The following LIMS1 variants were observed in gnomAD, a reference collection of about 807,000 sequenced individuals.
The protein encoded by LIMS1 is LIM zinc finger domain containing 1, also known as LIM and senescent cell antigen-like-containing domain protein 1.
A neutral mutation model predicts 44.1 loss-of-function variants in LIMS1; 18 were observed. The observed-to-expected ratio is 0.41, with a 90% confidence interval of 0.28 to 0.61. LIMS1 has a LOEUF of 0.61. Among genes scored for constraint, LIMS1 ranks in the 20% least tolerant of loss-of-function variants. The probability of loss-of-function intolerance (pLI) is 0.32; values close to 1 mark genes in which losing one functional copy is unlikely to be tolerated. For synonymous variants in LIMS1, 93 were observed against 149.1 expected (o/e 0.62, Z 2.74); for missense variants, 201 against 422.0 (o/e 0.48, Z 4.59).
chr2:108,551,635 T>TATGTATATATGTGTATATAC, intron 1 of LIMS1, among the ~76,000 whole-genome samples: 1 of 145,432 alleles, frequency 6.9e-6, no homozygotes, highest in African/African-American at 2.5e-5. Flanking sequence ...TGTGTATATA[T>TATGTATATATGTGTATATAC]ATGTATATAT....
rs1301988174 is a variant in LIMS1, at chr2:108,662,370, A to G, written c.192+2606A>G. 3 of 1,596,248 alleles carry G rather than the reference A, an allele frequency of 1.9e-6. No individual in the cohort carries two copies. The East Asian group carries it at 6.7e-5, about 36-fold the overall frequency. On this transcript the variant is annotated intron_variant, in intron 2 of 9. Coordinates refer to ENST00000544547, the Ensembl canonical transcript of LIMS1. ...AGCTCAGAACAGCCTTGAGCAGTGAAGAATAAAGTGTGACTCATCTCGTCC... is the reference window on the plus strand; with the variant it reads ...AGCTCAGAACAGCCTTGAGCAGTGAGGAATAAAGTGTGACTCATCTCGTCC...
At chr2:108,591,984 G>A (rs149462850) in intron 1 of LIMS1, among the ~76,000 whole-genome samples, 2,751 of 151,942 alleles carry the variant, frequency 0.018, 38 homozygotes, top group Non-Finnish European at 0.025. Context: ...TGGTAGAGAC[G>A]AAGTTTCACC....
intron 6 of LIMS1, 152 bp from the exon 7 acceptor site, chr2:108,676,454 G>A (rs1348072328): frequency 9.4e-5 from 94 of 1,000,096 alleles, no homozygotes; most frequent in Non-Finnish European, 2.3e-5. Context: ...TACAACTGCA[G>A]AAGTATTATA....
At chr2:108,539,981 G>T (rs1463989027) in intron 1 of LIMS1, among the ~76,000 whole-genome samples, 1 of 151,226 alleles carries the variant, frequency 6.6e-6, no homozygotes, top group African/African-American at 2.4e-5. Flanking sequence ...TTTTCACCCT[G>T]GTTCTGAAAA....
chr2:108,585,989 C>T (rs551090255), intron 1 of LIMS1, among the ~76,000 whole-genome samples: 5 of 152,108 alleles, frequency 3.3e-5, no homozygotes, highest in South Asian at 2.1e-4. Context: ...GTCAGGAGAT[C>T]GAGACCATCC....
chr2:108,671,916 AC>A (rs1219593420), intron 3 of LIMS1, among the ~76,000 whole-genome samples: 1 of 152,214 alleles, frequency 6.6e-6, no homozygotes, highest in Non-Finnish European at 1.5e-5. Flanking sequence ...GTGGTGGCTC[AC>A]GCCTATAATC....
chr2:108,657,483 G>A (rs1690963269), intron 1 of LIMS1, among the ~76,000 whole-genome samples: 3 of 152,308 alleles, frequency 2.0e-5, no homozygotes, highest in Non-Finnish European at 4.4e-5. Flanking sequence ...CAGATGTGGA[G>A]CTTACCGTGC....
intron 1 of LIMS1, among the ~76,000 whole-genome samples, chr2:108,599,191 C>A (rs1432843238): frequency 2.0e-5 from 3 of 152,178 alleles, no homozygotes; most frequent in Non-Finnish European, 4.4e-5. Context: ...CATCTCACCA[C>A]TACCCTTCAC....
At chr2:108,673,422 C>G (rs1314255841) in intron 5 of LIMS1, 13 of 283,714 alleles carry the variant, frequency 4.6e-5, no homozygotes, top group Admixed American at 1.5e-4. Flanking sequence ...CTCTCTCGCT[C>G]TATTGCCCAG....
chr2:108,681,538 T>TG, intron 9 of LIMS1: 17 of 971,832 alleles, frequency 1.7e-5, no homozygotes, highest in Non-Finnish European at 2.0e-5. Context: ...TCCTGGTTTT[T>TG]GGTTTCCTTG....
At chr2:108,576,140 T>C (rs1222190591) in intron 1 of LIMS1, among the ~76,000 whole-genome samples, 1 of 152,202 alleles carries the variant, frequency 6.6e-6, no homozygotes, top group Non-Finnish European at 1.5e-5. Context: ...TGAAAATAAC[T>C]TTTGAAGTCT....
chr2:108,635,536 A>G (rs1293319441), intron 1 of LIMS1, among the ~76,000 whole-genome samples: 1 of 151,244 alleles, frequency 6.6e-6, no homozygotes, highest in African/African-American at 2.4e-5. Context: ...CCCCGTCTCT[A>G]CTAAAAATAC....
At chr2:108,612,987 T>C (rs1305021879) in intron 1 of LIMS1, among the ~76,000 whole-genome samples, 1 of 152,156 alleles carries the variant, frequency 6.6e-6, no homozygotes, top group Admixed American at 6.5e-5. Context: ...GTTTAATGAC[T>C]GAAACAGGAA....
intron 1 of LIMS1, among the ~76,000 whole-genome samples, chr2:108,596,922 T>G (rs1573402535): frequency 1.4e-5 from 2 of 140,164 alleles, no homozygotes; most frequent in Admixed American, 7.1e-5. Flanking sequence ...TCTGTTTTTT[T>G]TTTTTTTTTT....
intron 1 of LIMS1, among the ~76,000 whole-genome samples, chr2:108,540,604 G>A (rs1246012429): frequency 1.3e-5 from 2 of 152,202 alleles, no homozygotes; most frequent in African/African-American, 4.8e-5. Flanking sequence ...GTGACATGAA[G>A]ATCTAAGAAA....
chr2:108,673,040 T>C lies in LIMS1; in HGVS notation c.530+11T>C, dbSNP rs1445930819. ...CTGCGCCAACTGCGGGTACTGGAATTGTTTCTTTTTTATTACACAAGCAGT... is the reference window on the plus strand; with the variant it reads ...CTGCGCCAACTGCGGGTACTGGAATCGTTTCTTTTTTATTACACAAGCAGT... On this transcript the variant is annotated intron_variant, in intron 5 of 9. Coordinates refer to ENST00000544547, the Ensembl canonical transcript of LIMS1. 2.5e-6 allele frequency: 3 copies of C among 1,185,382 alleles called. No homozygotes were observed. 73.4% of individuals were successfully genotyped at this position (1,185,382 alleles called of 1,614,324 possible).
At chr2:108,681,287 G>C in intron 9 of LIMS1, 1 of 985,126 alleles carries the variant, frequency 1.0e-6, no homozygotes, top group South Asian at 4.7e-5. Context: ...TGTAGAACTG[G>C]TCCTTTTGCA....
chr2:108,669,147 C>A (rs1172617554), intron 2 of LIMS1, among the ~76,000 whole-genome samples: 5 of 152,346 alleles, frequency 3.3e-5, no homozygotes, highest in Admixed American at 1.3e-4. Context: ...TAGCTCACAC[C>A]TGTAATCCCA....
intron 1 of LIMS1, among the ~76,000 whole-genome samples, chr2:108,572,380 C>CTTTTTT (rs780841996): frequency 9.8e-5 from 11 of 112,752 alleles, no homozygotes; most frequent in East Asian, 2.6e-4. Flanking sequence ...GGGACTCTTG[C>CTTTTTT]TTTTTTTTTT....
Sources: gnomAD v4.1 joint callset for allele counts (sites outside exome capture counted in the v4.1 genomes callset) on GRCh38, gnomAD v4.1.1 for gene constraint, MANE v1.5 for transcripts, NCBI Gene and HGNC (gene_info 2026-07-23, HGNC 2026-07-21) for gene names.